PLD1: variants seen among roughly 807,000 people sequenced by gnomAD.
The protein encoded by PLD1 is choline phosphatase 1.
PLD1 carries 112 observed loss-of-function variants against 137.1 expected under a neutral mutation model. That is an observed-to-expected ratio of 0.82 (90% CI 0.70 to 0.96). PLD1 has a LOEUF of 0.96. PLD1 is among the 40% of genes least tolerant of loss of function. PLD1 has a pLI of 0.00. For synonymous variants in PLD1, 431 were observed against 454.7 expected (o/e 0.95, Z 0.66); for missense variants, 1,321 against 1,342.0 (o/e 0.98, Z 0.24).
At chr3:171,707,429 C>G (rs1716778795) in intron 11 of PLD1, among the ~76,000 whole-genome samples, 1 of 152,202 alleles carries the variant, frequency 6.6e-6, no homozygotes, top group South Asian at 2.1e-4. Flanking sequence ...GAATATAGTA[C>G]TCACTGGCAC....
At chr3:171,700,983 A>C (rs912384205) in intron 11 of PLD1, among the ~76,000 whole-genome samples, 4 of 152,264 alleles carry the variant, frequency 2.6e-5, no homozygotes, top group African/African-American at 9.6e-5. Context: ...GCAGAGGTAG[A>C]CTATGTCAGG....
At position 171,636,792 on chromosome 3, in the gene PLD1, C is replaced by T. The variant is rs551269276; in HGVS notation, c.2593+6048G>A. ...GCTCAACTGTTGTGGCTAAAACCTCCAGTACGATGTTGACAAAAGTGAACT... is the reference window on the plus strand; with the variant it reads ...GCTCAACTGTTGTGGCTAAAACCTCTAGTACGATGTTGACAAAAGTGAACT... On this transcript the variant is annotated intron_variant, in intron 23 of 26. Transcript: ENST00000351298. 3.3e-5 allele frequency among the ~76,000 whole-genome samples: 5 copies of T among 152,130 alleles called. 1 individual carries two copies. Among genetic ancestry groups the T allele is most frequent in the African/African-American group, 9.6e-5 (4 of 41,506 alleles).
intron 7 of PLD1, among the ~76,000 whole-genome samples, chr3:171,725,807 G>T (rs4131285): frequency 1.3e-5 from 2 of 152,144 alleles, no homozygotes; most frequent in African/African-American, 2.4e-5. Context: ...CTGTAAGCAC[G>T]TGACAAAGAC....
At chr3:171,647,622 T>G (rs1299676537) in intron 21 of PLD1, among the ~76,000 whole-genome samples, 1 of 152,056 alleles carries the variant, frequency 6.6e-6, no homozygotes, top group African/African-American at 2.4e-5. Context: ...GGTAATTTTG[T>G]ACTTTTAGTA....
intron 1 of PLD1, among the ~76,000 whole-genome samples, chr3:171,802,142 T>C (rs1274650197): frequency 6.6e-6 from 1 of 152,192 alleles, no homozygotes; most frequent in Non-Finnish European, 1.5e-5. Flanking sequence ...ACTAACATCA[T>C]ATATTTATAT....
In PLD1 at chr3:171,688,835, C is replaced by T. The variant is rs778329039; in HGVS notation, c.1380G>A (p.Leu460=). Residue 460 remains leucine, a synonymous_variant, in exon 14 of 27, where the codon TTG becomes TTA. Transcript: ENST00000351298. ...HPDHVSSTVY[L]WAHHEKLVII... ...TGACAAGCTTCTCATGGTGAGCCCACAAATAGACGGTGGATGACACATGAT... is the reference window on the plus strand; with the variant it reads ...TGACAAGCTTCTCATGGTGAGCCCATAAATAGACGGTGGATGACACATGAT... 3 of 1,614,086 alleles carry T rather than the reference C, an allele frequency of 1.9e-6. 1 individual carries two copies. Among genetic ancestry groups the T allele is most frequent in the South Asian group, 2.2e-5 (2 of 91,078 alleles).
chr3:171,778,019 A>G (rs1313142110), intron 1 of PLD1, among the ~76,000 whole-genome samples: 2 of 152,256 alleles, frequency 1.3e-5, no homozygotes, highest in Non-Finnish European at 2.9e-5. Context: ...TAAAAAGCAT[A>G]TAGCAAAAAT....
At chr3:171,646,420 G>A (rs932150572) in intron 21 of PLD1, among the ~76,000 whole-genome samples, 4 of 152,148 alleles carry the variant, frequency 2.6e-5, no homozygotes, top group Admixed American at 2.6e-4. Flanking sequence ...CGATGTCAGG[G>A]CAAGTGGAAA....
chr3:171,773,650 T>G (rs181030295), intron 1 of PLD1, among the ~76,000 whole-genome samples: 1 of 152,278 alleles, frequency 6.6e-6, no homozygotes, highest in East Asian at 1.9e-4. Context: ...TAAGGATAGC[T>G]ATTATATAAG....
At chr3:171,743,614 C>T (rs955149863) in intron 1 of PLD1, among the ~76,000 whole-genome samples, 19 of 152,178 alleles carry the variant, frequency 1.2e-4, no homozygotes, top group African/African-American at 4.3e-4. Context: ...CTTTGAGGTC[C>T]GGCATCCTTT....
chr3:171,702,578 C>T (rs147563032), intron 11 of PLD1, among the ~76,000 whole-genome samples: 14 of 151,364 alleles, frequency 9.2e-5, no homozygotes, highest in Admixed American at 9.2e-4. Context: ...TTAAAAATAA[C>T]TGTATGCCAA....
At chr3:171,609,385 G>T (rs547590536) in intron 25 of PLD1, among the ~76,000 whole-genome samples, 41 of 152,122 alleles carry the variant, frequency 2.7e-4, no homozygotes, top group African/African-American at 9.6e-4. Context: ...TCCCACAACT[G>T]GGTATCTACC....
chr3:171,663,451 G>A (rs963757987), intron 19 of PLD1, among the ~76,000 whole-genome samples: 16 of 152,216 alleles, frequency 1.1e-4, no homozygotes, highest in Non-Finnish European at 4.4e-5. Context: ...TAGGGTCATA[G>A]AGAGGATTAA....
In PLD1 at chr3:171,738,085, AG is replaced by A. The variant is rs749228295; in HGVS notation, c.-31-4del. 2.6e-6 allele frequency: 4 copies of A among 1,555,134 alleles called. No individual in the cohort carries two copies. In the South Asian group the frequency reaches 3.5e-5, roughly 14 times the overall value. On this transcript the variant is annotated splice_polypyrimidine_tract_variant and splice_region_variant and intron_variant, in intron 1 of 26. Coordinates refer to ENST00000351298, the MANE Select transcript of PLD1 (RefSeq NM_002662.5). ...TGGACAGAGTAAAAGCAAAGGGGCT[AG>A]GAAAGAAGAAAACGGTTACAAAGAC...
chr3:171,635,432 T>G (rs1176980738), intron 23 of PLD1, among the ~76,000 whole-genome samples: 1 of 152,002 alleles, frequency 6.6e-6, no homozygotes, highest in Non-Finnish European at 1.5e-5. Flanking sequence ...AATACTTTAT[T>G]ATTATTATTA....
intron 1 of PLD1, among the ~76,000 whole-genome samples, chr3:171,750,219 G>GA (rs1720556997): frequency 6.6e-6 from 1 of 152,114 alleles, no homozygotes; most frequent in African/African-American, 2.4e-5. Flanking sequence ...CGAATAAGTA[G>GA]AAAATCTCAC....
At chr3:171,758,759 A>C (rs539023137) in intron 1 of PLD1, among the ~76,000 whole-genome samples, 4 of 152,358 alleles carry the variant, frequency 2.6e-5, no homozygotes, top group Admixed American at 2.0e-4. Context: ...TGGCTGTATC[A>C]GGACCTTCCT....
intron 1 of PLD1, among the ~76,000 whole-genome samples, chr3:171,807,294 C>CA (rs34352774): frequency 0.32 from 47,527 of 148,568 alleles, 7,790 homozygotes; most frequent in Admixed American, 0.37. Context: ...GACCCTGTCT[C>CA]AAAAAAAAAA....
rs557012560 is a variant in PLD1 at position 171,773,526 on chromosome 3, C to T, written c.-31-35444G>A. ...CTGAGGCAGGAGAATCGCTTGAACC[C>T]GGGAGGCGGAGGTTGCAGTGAGCCG... On this transcript the variant is annotated intron_variant, in intron 1 of 26. Coordinates refer to ENST00000351298, the MANE Select transcript of PLD1 (RefSeq NM_002662.5). Among the ~76,000 whole-genome samples, 14 of 152,058 alleles carry T rather than the reference C, an allele frequency of 9.2e-5. No individual in the cohort carries two copies. In the East Asian group the frequency reaches 1.6e-3, roughly 17 times the overall value.
Sources: gnomAD v4.1 joint callset for allele counts (sites outside exome capture counted in the v4.1 genomes callset) on GRCh38, gnomAD v4.1.1 for gene constraint, MANE v1.5 for transcripts, NCBI Gene and HGNC (gene_info 2026-07-23, HGNC 2026-07-21) for gene names.